Variants in GFY observed in about 807,000 individuals in gnomAD.
GFY encodes Golgi-associated olfactory signaling regulator.
A neutral mutation model predicts 29.1 loss-of-function variants in GFY; 28 were observed. The ratio of observed to expected loss-of-function variants is 0.96; its 90% CI spans 0.71 to 1.32. The LOEUF (loss-of-function observed/expected upper bound fraction) is 1.32, where lower values mean the gene tolerates loss of function less well. Ranked by LOEUF, GFY falls within the 40% of genes most tolerant of loss-of-function variation. GFY has a pLI of 0.00. For synonymous variants in GFY, 277 were observed against 274.5 expected, an observed-to-expected ratio of 1.01 and a Z score of -0.09; for missense variants, 656 against 661.9, an observed-to-expected ratio of 0.99 and a Z score of 0.10.
chr19:49,428,626 T>C lies in GFY; in HGVS notation c.1365T>C (p.His455=). ...LPDDGDEPVL[H]LDAPKDPYDL... is the part of the protein sequence containing the mutation. The stretch of plus-strand genomic sequence containing the variant: ...GCCCCTTTGCACCCACAGTTCTGCA[T>C]TTGGACGCCCCGAAAGACCCCTACG... The change falls in exon 4 of 4, where the codon CAT becomes CAC. Residue 455 remains histidine (H), a synonymous_variant. Coordinates refer to ENST00000610896, the MANE Select transcript of GFY (RefSeq NM_001195256.2). 2 of 1,487,472 alleles carry C rather than the reference T, an allele frequency of 1.3e-6. No homozygotes were observed. Among genetic ancestry groups the C allele is most frequent in the Non-Finnish European group, 1.8e-6 (2 of 1,118,700 alleles). The allele number at this position is 1,487,472 out of a possible 1,614,324, so 92.1% of individuals were successfully genotyped here. A position where few individuals can be genotyped will look rare whatever the true frequency, so the allele number is the denominator to read the frequency against.
Position 49,427,472 on chromosome 19 carries a change from C to T in GFY, c.1042C>T (p.Pro348Ser), listed in dbSNP as rs901520127. ...CCCTAAGGAGTCCAACGTCCCTCCT[C>T]CCTCAGCCCGGATTGCAGGTCCCCC... ...SGPKESNVPP[P>S]SARIAGPPAL... The change falls in exon 2 of 4, where the codon CCC (proline) becomes TCC (serine). Residue 348 changes from proline to serine, a missense_variant. By Grantham distance (74) the Pro-to-Ser change is moderately conservative. Transcript: ENST00000610896. The T allele has an allele frequency of 2.6e-6, 4 of 1,535,122 alleles. No homozygotes were observed. Among genetic ancestry groups the T allele is most frequent in the Admixed American group, 2.0e-5 (1 of 50,942 alleles).
rs1975076689 is a variant in GFY at position 49,426,697 on chromosome 19, C to G, written c.267C>G (p.Leu89=). 1.3e-6 allele frequency: 2 copies of G among 1,536,074 alleles called. No homozygotes were observed. The highest frequency in any genetic ancestry group is 3.9e-5 in the Admixed American group (2 of 50,974). ...TCCCACTTGACTTCACTGAGCCCCT[C>G]AACCCTGACCTCCGAGAAACCCCGC... ...ETFPLDFTEP[L]NPDLRETPHP... is the part of the protein sequence containing the mutation. Residue 89 remains leucine, a synonymous_variant, in exon 2 of 4, where the codon CTC becomes CTG. Coordinates refer to ENST00000610896, the MANE Select transcript of GFY (RefSeq NM_001195256.2).
At position 49,427,581 on chromosome 19, in the gene GFY, C is replaced by A; in HGVS notation, c.1151C>A (p.Thr384Asn). ...QRHSRGEGVN[T>N]IIVVERVKET... ...CACAGCCGAGGTGAGGGAGTCAACA[C>A]CATCATCGTGGTGGAGCGAGTGAAG... Residue 384 changes from threonine to asparagine, a missense_variant, in exon 2 of 4, where the codon ACC becomes AAC. Thr to Asn is a moderately conservative substitution (Grantham distance 65). Transcript: ENST00000610896. 6.7e-7 allele frequency: 1 copy of A among 1,485,436 alleles called. No individual in the cohort carries two copies. The highest frequency in any genetic ancestry group is 8.9e-7 in the Non-Finnish European group (1 of 1,124,602). The allele number at this position is 1,485,436 out of a possible 1,614,324, so 92.0% of individuals were successfully genotyped here.
At chr19:49,428,171 C>T in intron 3 of GFY, 52 bp downstream of exon 3, 1 of 1,505,188 alleles carries the variant, frequency 6.6e-7, no homozygotes. Flanking sequence ...CTGGTCTCTC[C>T]CGGCACTACA....
chr19:49,424,176 T>G (rs1427528692), upstream of GFY, among the ~76,000 whole-genome samples: 3 of 152,146 alleles, frequency 2.0e-5, no homozygotes, highest in Non-Finnish European at 2.9e-5. Context: ...AGCCCTTATC[T>G]GGGAGGAGTT....
Position 49,427,594 on chromosome 19 carries a change from G to A in GFY, c.1164G>A (p.Val388=), listed in dbSNP as rs1258466115. 35 of 1,477,778 alleles carry A rather than the reference G, an allele frequency of 2.4e-5. No homozygotes were observed. The highest frequency in any genetic ancestry group is 3.1e-5 in the Non-Finnish European group (35 of 1,120,792). The allele number at this position is 1,477,778 out of a possible 1,614,324, so 91.5% of individuals were successfully genotyped here. A position where few individuals can be genotyped will look rare whatever the true frequency, so the allele number is the denominator to read the frequency against. Residue 388 remains valine, a synonymous_variant, in exon 2 of 4, where the codon GTG becomes GTA. Coordinates refer to ENST00000610896, the MANE Select transcript of GFY (RefSeq NM_001195256.2). Reference sequence around the variant, plus strand: ...AGGGAGTCAACACCATCATCGTGGTGGAGCGAGTGAAGGAGACCGGTGAGG... The same window carrying A: ...AGGGAGTCAACACCATCATCGTGGTAGAGCGAGTGAAGGAGACCGGTGAGG... ...RGEGVNTIIV[V]ERVKETGVTL...
chr19:49,428,204 G>T, intron 3 of GFY, 85 bp downstream of exon 3: 1 of 1,445,892 alleles, frequency 6.9e-7, no homozygotes, highest in South Asian at 1.3e-5. Context: ...AAAAAGCACA[G>T]GTCCCCCACC....
rs1375582434 is a variant in GFY, at chr19:49,427,506, C to T, written c.1076C>T (p.Pro359Leu). 10 of 1,531,158 alleles carry T rather than the reference C, an allele frequency of 6.5e-6. No individual in the cohort carries two copies. Among genetic ancestry groups the T allele is most frequent in the Non-Finnish European group, 7.9e-6 (9 of 1,144,114 alleles). 94.8% of individuals were successfully genotyped at this position (1,531,158 alleles called of 1,614,324 possible). The change falls in exon 2 of 4, where the codon CCA (proline) becomes CTA (leucine). Residue 359 changes from proline to leucine, a missense_variant. Physicochemically the swap from Pro to Leu is moderately conservative, Grantham distance 98. Coordinates refer to ENST00000610896, the MANE Select transcript of GFY (RefSeq NM_001195256.2). The part of the protein sequence containing the change: ...SARIAGPPAL[P>L]GRPSQLAPAT... ...CGGATTGCAGGTCCCCCTGCTCTTC[C>T]AGGGCGCCCCAGTCAGTTGGCCCCT...
intron 1 of GFY, among the ~76,000 whole-genome samples, chr19:49,425,868 G>A (rs1975066637): frequency 6.6e-6 from 1 of 152,080 alleles, no homozygotes; most frequent in Admixed American, 6.5e-5. Flanking sequence ...AGAACCAGGA[G>A]CCAGGAACCT....
upstream of GFY, among the ~76,000 whole-genome samples, chr19:49,424,613 G>A (rs1341532040): frequency 6.6e-6 from 1 of 152,084 alleles, no homozygotes. Flanking sequence ...CACTTTGGAA[G>A]GCCGTGGTGG....
intron 1 of GFY, 72 bp from the exon 2 acceptor site, chr19:49,426,338 T>A (rs544511728): frequency 1.4e-6 from 2 of 1,443,310 alleles, no homozygotes; most frequent in African/African-American, 2.9e-5. Context: ...CCAGTGGGCG[T>A]GGCCTCCGGG....
upstream of GFY, among the ~76,000 whole-genome samples, chr19:49,424,371 T>A (rs2122275285): frequency 6.6e-6 from 1 of 152,212 alleles, no homozygotes; most frequent in South Asian, 2.1e-4. Flanking sequence ...GCCTCCCGAG[T>A]AGCTGGGATT....
intron 2 of GFY, among the ~76,000 whole-genome samples, 159 bp downstream of exon 2, chr19:49,427,772 C>T (rs1359096223): frequency 6.6e-6 from 1 of 150,616 alleles, no homozygotes; most frequent in Non-Finnish European, 1.5e-5. Flanking sequence ...GGGCTGGGGG[C>T]CTGGACTCCT....
rs887493284 is a variant in GFY at position 49,427,513 on chromosome 19, C to T, written c.1083C>T (p.Arg361=). ...RIAGPPALPG[R]PSQLAPATLR... is the part of the protein sequence containing the mutation. ...CAGGTCCCCCTGCTCTTCCAGGGCG[C>T]CCCAGTCAGTTGGCCCCTGCCACTC... Residue 361 remains arginine (R), a synonymous_variant, in exon 2 of 4, where the codon CGC becomes CGT. Transcript: ENST00000610896. 2.2e-5 allele frequency: 33 copies of T among 1,529,254 alleles called. No individual in the cohort carries two copies. The highest frequency in any genetic ancestry group is 2.8e-5 in the Non-Finnish European group (32 of 1,143,348). The allele number at this position is 1,529,254 out of a possible 1,614,324, so 94.7% of individuals were successfully genotyped here. A position where few individuals can be genotyped will look rare whatever the true frequency, so the allele number is the denominator to read the frequency against.
rs747395175 is a variant in GFY, at chr19:49,428,670, C to G, written c.1409C>G (p.Pro470Arg). 8.5e-6 allele frequency: 13 copies of G among 1,529,412 alleles called. No homozygotes were observed. In the Admixed American group the frequency reaches 1.0e-4, roughly 12 times the overall value. 94.7% of individuals were successfully genotyped at this position (1,529,412 alleles called of 1,614,324 possible). The part of the protein sequence containing the change: ...KDPYDLYFYA[P>R]DTWVPSHIAT... ...CCCTACGACCTCTACTTTTATGCTC[C>G]GGATACCTGGGTCCCTTCCCACATC... Residue 470 changes from proline (P) to arginine (R), a missense_variant, in exon 4 of 4, where the codon CCG (proline) becomes CGG (arginine). By Grantham distance (103) the Pro-to-Arg change is moderately radical (BLOSUM62 -2). Transcript: ENST00000610896.
chr19:49,428,798 C>T lies in GFY; in HGVS notation c.1537C>T (p.Leu513Phe). 1 of 1,463,222 alleles carries T rather than the reference C, an allele frequency of 6.8e-7. No homozygotes were observed. 90.6% of individuals were successfully genotyped at this position (1,463,222 alleles called of 1,614,324 possible). The part of the protein sequence containing the change: ...QRLEALSPAT[L>F]PNNFV ...TCTGGAGGCCCTGTCCCCCGCCACG[C>T]TCCCCAACAACTTCGTGTGAGCCCC... The change falls in exon 4 of 4, where the codon CTC (leucine) becomes TTC (phenylalanine). Residue 513 changes from leucine to phenylalanine, a missense_variant. Leu to Phe is a conservative substitution (Grantham distance 22, BLOSUM62 0). Transcript: ENST00000610896.
rs928061079 is a variant in GFY at position 49,427,011 on chromosome 19, A to G, written c.581A>G (p.Gln194Arg). The change falls in exon 2 of 4, where the codon CAG becomes CGG. Residue 194 changes from glutamine (Q) to arginine (R), a missense_variant. By Grantham distance (43) the Gln-to-Arg change is conservative. Transcript: ENST00000610896. Reference protein sequence around the residue: ...ILQLNATEVSQAELPETSNTN... With the variant: ...ILQLNATEVSRAELPETSNTN... ...CAGCTTAATGCCACTGAAGTCTCAC[A>G]GGCAGAACTCCCCGAGACCTCAAAC... 4 of 1,535,674 alleles carry G rather than the reference A, an allele frequency of 2.6e-6. No individual in the cohort carries two copies. The African/African-American group carries it at 5.5e-5, about 21-fold the overall frequency.
rs1975075629 is a variant in GFY, at chr19:49,426,620, A to G, written c.190A>G (p.Thr64Ala). ...TCGCCTTAACCCAGAATTTCCTGGG[A>G]CTCCTTACCCTGAGCCTTCCAAGCT... ...RDRLNPEFPG[T>A]PYPEPSKLPH... The change falls in exon 2 of 4, where the codon ACT becomes GCT. Residue 64 changes from threonine (T) to alanine (A), a missense_variant. Thr to Ala is a moderately conservative substitution (Grantham distance 58). Transcript: ENST00000610896. 2 of 1,535,142 alleles carry G rather than the reference A, an allele frequency of 1.3e-6. No individual in the cohort carries two copies. Among genetic ancestry groups the G allele is most frequent in the Admixed American group, 2.0e-5 (1 of 50,878 alleles).
At chr19:49,427,906 G>A (rs905701233) in intron 2 of GFY, 40 bp from the exon 3 acceptor site, 4 of 1,512,020 alleles carry the variant, frequency 2.6e-6, no homozygotes, top group African/African-American at 1.4e-5. Context: ...TCTGAGAGAG[G>A]AGGGGGTTAG....
Sources: gnomAD v4.1 joint callset for allele counts (sites outside exome capture counted in the v4.1 genomes callset) on GRCh38, gnomAD v4.1.1 for gene constraint, MANE v1.5 for transcripts, NCBI Gene and HGNC (gene_info 2026-07-23, HGNC 2026-07-21) for gene names.